Variants in CTNNA2 observed in about 807,000 individuals in gnomAD.
CTNNA2 encodes catenin alpha-2.
CTNNA2 carries 42 observed loss-of-function variants against 101.0 expected under a neutral mutation model. The ratio of observed to expected loss-of-function variants is 0.42; its 90% CI spans 0.32 to 0.54. The LOEUF is 0.54. CTNNA2 is among the 20% of genes least tolerant of loss of function. CTNNA2 has a pLI of 0.14. For synonymous variants in CTNNA2, 450 were observed against 456.4 expected (o/e 0.99, Z 0.18); for missense variants, 871 against 1,223.1 (o/e 0.71, Z 4.29).
At chr2:79,862,842 C>T (rs1187196164) in intron 4 of CTNNA2, among the ~76,000 whole-genome samples, 1 of 152,168 alleles carries the variant, frequency 6.6e-6, no homozygotes, top group Non-Finnish European at 1.5e-5. Context: ...AATTATGATG[C>T]TTTCTTTCAT....
chr2:79,875,073 A>G (rs1387468744), intron 6 of CTNNA2, among the ~76,000 whole-genome samples: 1 of 152,158 alleles, frequency 6.6e-6, no homozygotes, highest in African/African-American at 2.4e-5. Flanking sequence ...ATTAGAACAG[A>G]CCCTCTGGGG....
intron 1 of CTNNA2, among the ~76,000 whole-genome samples, chr2:79,577,212 C>A (rs1675854873): frequency 6.6e-6 from 1 of 151,924 alleles, no homozygotes; most frequent in African/African-American, 2.4e-5. Flanking sequence ...TGTTTACTAC[C>A]CCCAAGTAGT....
chr2:80,169,855 A>G (rs1407471993), intron 7 of CTNNA2, among the ~76,000 whole-genome samples: 1 of 152,182 alleles, frequency 6.6e-6, no homozygotes, highest in Non-Finnish European at 1.5e-5. Flanking sequence ...GCCACTTGCC[A>G]CTTGCGTGAC....
chr2:79,539,959 G>A (rs1260744954), intron 1 of CTNNA2, among the ~76,000 whole-genome samples: 1 of 152,000 alleles, frequency 6.6e-6, no homozygotes, highest in Non-Finnish European at 1.5e-5. Context: ...AGAAAACCTG[G>A]CTTTTAAATA....
intron 13 of CTNNA2, among the ~76,000 whole-genome samples, chr2:80,578,133 T>C (rs1262787866): frequency 6.6e-6 from 1 of 152,188 alleles, no homozygotes; most frequent in East Asian, 1.9e-4. Context: ...CCTGGGCCCC[T>C]GTAATGGGCA....
intron 9 of CTNNA2, among the ~76,000 whole-genome samples, chr2:80,494,812 A>G (rs533473511): frequency 7.2e-6 from 1 of 138,762 alleles, no homozygotes; most frequent in South Asian, 2.1e-4. Context: ...TAACTCATTA[A>G]TGAGGAAACT....
intron 7 of CTNNA2, among the ~76,000 whole-genome samples, chr2:80,275,205 A>G (rs1265171541): frequency 6.6e-6 from 1 of 152,210 alleles, no homozygotes; most frequent in East Asian, 1.9e-4. Flanking sequence ...TTCCAAAACT[A>G]GAGAGAACAA....
intron 1 of CTNNA2, among the ~76,000 whole-genome samples, chr2:79,567,143 G>T (rs2104178307): frequency 6.6e-6 from 1 of 152,258 alleles, no homozygotes; most frequent in East Asian, 1.9e-4. Flanking sequence ...AAATGTATTT[G>T]ACTTAAATAC....
At chr2:80,171,970 C>T (rs1193217444) in intron 7 of CTNNA2, among the ~76,000 whole-genome samples, 1 of 152,130 alleles carries the variant, frequency 6.6e-6, no homozygotes, top group Non-Finnish European at 1.5e-5. Flanking sequence ...AGTTAGAACA[C>T]TTTGGTTACA....
At chr2:80,068,341 G>A (rs1488917377) in intron 7 of CTNNA2, among the ~76,000 whole-genome samples, 1 of 152,220 alleles carries the variant, frequency 6.6e-6, no homozygotes, top group African/African-American at 2.4e-5. Context: ...CTAGGTAACA[G>A]GGAGGTCATG....
chr2:80,074,992 A>G (rs2148787699), intron 7 of CTNNA2, among the ~76,000 whole-genome samples: 1 of 152,252 alleles, frequency 6.6e-6, no homozygotes, highest in Admixed American at 6.5e-5. Context: ...GTACATGAAC[A>G]TTTGACCTTG....
At chr2:79,804,538 A>T (rs1676416861) in intron 3 of CTNNA2, among the ~76,000 whole-genome samples, 1 of 152,210 alleles carries the variant, frequency 6.6e-6, no homozygotes, top group African/African-American at 2.4e-5. Context: ...AAATTGAAGC[A>T]AATTTTGAGG....
chr2:79,946,521 A>G (rs570420954), intron 7 of CTNNA2, among the ~76,000 whole-genome samples: 26 of 152,342 alleles, frequency 1.7e-4, no homozygotes, highest in African/African-American at 5.5e-4. Context: ...TCTAAATGAT[A>G]TAAATAGAAA....
intron 2 of CTNNA2, among the ~76,000 whole-genome samples, chr2:79,697,148 A>G (rs1466545706): frequency 6.6e-6 from 1 of 152,048 alleles, no homozygotes; most frequent in Non-Finnish European, 1.5e-5. Context: ...CAATTTAAAT[A>G]GAATTTACCA....
At chr2:79,699,575 A>G (rs540459961) in intron 2 of CTNNA2, among the ~76,000 whole-genome samples, 2 of 151,876 alleles carry the variant, frequency 1.3e-5, no homozygotes, top group Non-Finnish European at 2.9e-5. Context: ...TCCCATATGG[A>G]TCCAACTTTG....
intron 1 of CTNNA2, among the ~76,000 whole-genome samples, chr2:79,190,390 A>C (rs1419523995): frequency 1.3e-5 from 2 of 151,980 alleles, no homozygotes; most frequent in Non-Finnish European, 2.9e-5. Context: ...GGAAATGTGA[A>C]TTTCAACGTC....
intron 13 of CTNNA2, among the ~76,000 whole-genome samples, chr2:80,580,718 C>CTAA (rs768472668): frequency 6.6e-6 from 1 of 152,040 alleles, no homozygotes; most frequent in Admixed American, 6.6e-5. Context: ...TTTAAAAATC[C>CTAA]TAATAATAAT....
chr2:79,902,837 G>A (rs1685155032), intron 6 of CTNNA2, among the ~76,000 whole-genome samples: 1 of 152,038 alleles, frequency 6.6e-6, no homozygotes. Flanking sequence ...ATATTGGCCA[G>A]GCTGGTCTCG....
intron 9 of CTNNA2, among the ~76,000 whole-genome samples, chr2:80,496,395 CTT>C (rs34221173): frequency 0.056 from 7,417 of 131,674 alleles, 462 homozygotes; most frequent in African/African-American, 0.18. Flanking sequence ...TCTTCACTGT[CTT>C]TTTTTTTTTT....
Sources: gnomAD v4.1 joint callset for allele counts (sites outside exome capture counted in the v4.1 genomes callset) on GRCh38, gnomAD v4.1.1 for gene constraint, MANE v1.5 for transcripts, NCBI Gene and HGNC (gene_info 2026-07-23, HGNC 2026-07-21) for gene names.